Variants in HHIP observed in about 807,000 individuals in gnomAD.
The protein encoded by HHIP is hedgehog interacting protein.
HHIP carries 12 observed loss-of-function variants against 74.0 expected under a neutral mutation model. The ratio of observed to expected loss-of-function variants is 0.16; its 90% CI spans 0.10 to 0.26. The LOEUF (loss-of-function observed/expected upper bound fraction) is 0.26, where lower values mean the gene tolerates loss of function less well. Among genes scored for constraint, HHIP ranks in the 10% least tolerant of loss-of-function variants. The probability of loss-of-function intolerance (pLI) is 1.00; values close to 1 mark genes in which losing one functional copy is unlikely to be tolerated. For synonymous variants in HHIP, 309 were observed against 311.6 expected, an observed-to-expected ratio of 0.99 and a Z score of 0.09; for missense variants, 788 against 845.0, an observed-to-expected ratio of 0.93 and a Z score of 0.84.
At position 144,742,844 on chromosome 4, in the gene HHIP, T is replaced by G. The variant is rs1158952161; in HGVS notation, c.*4887T>G. ...TTATATATATTTGGTTATATATATA[T>G]CTTTATATATATATCTTATATATAT... is the stretch of plus-strand genomic sequence containing the variant. On this transcript the variant is annotated 3_prime_UTR_variant, in exon 13 of 13. Transcript: ENST00000296575. 1 of 141,544 alleles carries G rather than the reference T, an allele frequency of 7.1e-6. No homozygotes were observed. Among genetic ancestry groups the G allele is most frequent in the African/African-American group, 2.7e-5 (1 of 37,078 alleles). The allele number at this position is 141,544 out of a possible 1,614,324, so 8.8% of individuals were successfully genotyped here.
intron 11 of HHIP, among the ~76,000 whole-genome samples, chr4:144,732,559 G>T (rs1352888577): frequency 6.6e-6 from 1 of 152,184 alleles, no homozygotes; most frequent in Non-Finnish European, 1.5e-5. Context: ...TAGCCCTTCA[G>T]TATCAGATTC....
chr4:144,650,075 C>A (rs1040612887), intron 1 of HHIP, among the ~76,000 whole-genome samples: 1 of 152,064 alleles, frequency 6.6e-6, no homozygotes, highest in Non-Finnish European at 1.5e-5. Flanking sequence ...TCCTTTTGTC[C>A]CCTCATCGAA....
rs867472848 is a variant in HHIP, at chr4:144,674,357, C to G, written c.831+14519C>G. On this transcript the variant is annotated intron_variant, in intron 4 of 12. Transcript: ENST00000296575. Reference sequence around the variant, plus strand: ...TAATGTTAAACTCAATATCTTATGTCAAAAAATAAAAGCAGGAGACTTGTT... The same window carrying G: ...TAATGTTAAACTCAATATCTTATGTGAAAAAATAAAAGCAGGAGACTTGTT... Among the ~76,000 whole-genome samples the G allele has an allele frequency of 1.4e-4, 21 of 152,264 alleles. 1 individual carries two copies. In the Middle Eastern group the frequency reaches 0.027, roughly 197 times the overall value.
intron 11 of HHIP, among the ~76,000 whole-genome samples, chr4:144,727,889 G>T (rs78492915): frequency 0.027 from 4,124 of 152,278 alleles, 73 homozygotes; most frequent in Middle Eastern, 0.041. Context: ...GGCCAGTTCA[G>T]TGGAAAGAAC....
intron 4 of HHIP, among the ~76,000 whole-genome samples, chr4:144,688,241 C>T (rs903696413): frequency 2.0e-5 from 3 of 152,016 alleles, no homozygotes; most frequent in African/African-American, 7.2e-5. Context: ...AAGCACAAGT[C>T]GCTTTCAGAA....
intron 11 of HHIP, among the ~76,000 whole-genome samples, chr4:144,726,605 T>G (rs2126680765): frequency 6.6e-6 from 1 of 152,340 alleles, no homozygotes; most frequent in South Asian, 2.1e-4. Flanking sequence ...AAGTCTGTTC[T>G]GCTACAGTGC....
At chr4:144,720,892 C>T (rs1045268893) in intron 11 of HHIP, among the ~76,000 whole-genome samples, 10 of 152,080 alleles carry the variant, frequency 6.6e-5, no homozygotes, top group African/African-American at 2.2e-4. Flanking sequence ...TGAGTTGACA[C>T]TTAAGTATGT....
At chr4:144,689,576 TG>T (rs1463646852) in intron 4 of HHIP, among the ~76,000 whole-genome samples, 5 of 152,212 alleles carry the variant, frequency 3.3e-5, no homozygotes, top group Admixed American at 3.3e-4. Flanking sequence ...TAATTACTTT[TG>T]ATTTTTGCCT....
At chr4:144,659,020 T>C (rs114633728) in intron 3 of HHIP, 74 bp downstream of exon 3, 48,270 of 1,251,168 alleles carry the variant, frequency 0.039, 1,045 homozygotes, top group Middle Eastern at 0.047. Context: ...TGACAGTGAA[T>C]CAACTGTCTG....
chr4:144,664,015 C>T (rs1171271762), intron 4 of HHIP, among the ~76,000 whole-genome samples: 5 of 152,206 alleles, frequency 3.3e-5, no homozygotes, highest in South Asian at 2.1e-4. Flanking sequence ...CACCATTCTC[C>T]GCCACTTAGT....
chr4:144,733,125 A>C (rs996385685), intron 11 of HHIP, among the ~76,000 whole-genome samples: 1 of 152,156 alleles, frequency 6.6e-6, no homozygotes, highest in Non-Finnish European at 1.5e-5. Flanking sequence ...GTCATTTAAC[A>C]TTTTCTCTAC....
chr4:144,725,657 C>A (rs1037238065), intron 11 of HHIP, among the ~76,000 whole-genome samples: 1 of 142,780 alleles, frequency 7.0e-6, no homozygotes, highest in South Asian at 2.3e-4. Flanking sequence ...TGGGTGTGTG[C>A]GCGTGCGTGT....
chr4:144,666,248 CGTGTGTGTG>C (rs1728857910), intron 4 of HHIP, among the ~76,000 whole-genome samples: 1 of 143,268 alleles, frequency 7.0e-6, no homozygotes, highest in South Asian at 2.4e-4. Context: ...ATACTACAGT[CGTGTGTGTG>C]TGTGTGTGTG....
chr4:144,737,791 G>C lies in HHIP; in HGVS notation c.1937G>C (p.Gly646Ala). The C allele has an allele frequency of 6.8e-6, 11 of 1,609,152 alleles. No homozygotes were observed. Among genetic ancestry groups the C allele is most frequent in the Non-Finnish European group, 7.6e-6 (9 of 1,177,516 alleles). ...AAATGTGAGCCAGCATGTCGTCATG[G>C]AGGTGTCTGTGTTAGACCGAACAAG... ...TAKCEPACRH[G>A]GVCVRPNKCL... is the part of the protein sequence containing the mutation. The change falls in exon 13 of 13, where the codon GGA (glycine) becomes GCA (alanine). Residue 646 changes from glycine (G) to alanine (A), a missense_variant. Gly to Ala is a moderately conservative substitution (Grantham distance 60, BLOSUM62 0). Transcript: ENST00000296575.
rs113924188 is a variant in HHIP, at chr4:144,725,470, T to C, written c.1760+6514T>C. On this transcript the variant is annotated intron_variant, in intron 11 of 12. Transcript: ENST00000296575. ...TTCTTTTCTCCTTTAAAGCATTTAG[T>C]GAATCTTAAATTTCTACCTTTGTAT... is the stretch of plus-strand genomic sequence containing the variant. Among the ~76,000 whole-genome samples the C allele has an allele frequency of 2.0e-3, 308 of 152,328 alleles. 2 individuals carry two copies. The highest frequency in any genetic ancestry group is 6.9e-3 in the African/African-American group (286 of 41,578).
At chr4:144,647,990 A>AT (rs1728314494) in intron 1 of HHIP, among the ~76,000 whole-genome samples, 1 of 63,168 alleles carries the variant, frequency 1.6e-5, no homozygotes, top group African/African-American at 3.5e-5. Context: ...AGGCATAATA[A>AT]AAAAAAAAAA....
chr4:144,676,950 C>G (rs1729186544), intron 4 of HHIP, among the ~76,000 whole-genome samples: 1 of 152,168 alleles, frequency 6.6e-6, no homozygotes, highest in South Asian at 2.1e-4. Context: ...GCCTTTCATG[C>G]AAGAAACATG....
At chr4:144,680,805 G>C (rs960881808) in intron 4 of HHIP, among the ~76,000 whole-genome samples, 1 of 152,154 alleles carries the variant, frequency 6.6e-6, no homozygotes, top group East Asian at 1.9e-4. Flanking sequence ...AAGGAATGAG[G>C]GCTTTTGGAC....
intron 4 of HHIP, among the ~76,000 whole-genome samples, chr4:144,689,870 G>A (rs1729596989): frequency 6.6e-6 from 1 of 152,052 alleles, no homozygotes. Flanking sequence ...ATGCAATGGT[G>A]TGATCTCAGC....
Sources: gnomAD v4.1 joint callset for allele counts (sites outside exome capture counted in the v4.1 genomes callset) on GRCh38, gnomAD v4.1.1 for gene constraint, MANE v1.5 for transcripts, NCBI Gene and HGNC (gene_info 2026-07-23, HGNC 2026-07-21) for gene names.